DEFB121: variants seen among roughly 807,000 people sequenced by gnomAD.
DEFB121 encodes the protein defensin beta 121, also known as beta-defensin 121.
DEFB121 carries 5 observed loss-of-function variants against 2.5 expected under a neutral mutation model. The ratio of observed to expected loss-of-function variants is 1.96; its 90% CI spans 1.03 to 4.13. DEFB121 has a LOEUF of 4.13. Ranked by LOEUF, DEFB121 falls within the 30% of genes most tolerant of loss-of-function variation. The pLI is 0.00. For missense variants in DEFB121, 87 were observed against 85.0 expected (o/e 1.02, Z -0.09); for synonymous variants, 39 against 32.6 (o/e 1.20, Z -0.67).
chr20:31,411,199 T>C (rs1978653599), upstream of DEFB121, among the ~76,000 whole-genome samples: 1 of 152,204 alleles, frequency 6.6e-6, no homozygotes, highest in Admixed American at 6.5e-5. Context: ...GATTGCTTCG[T>C]GAGCTAAAAA....
At chr20:31,413,067 T>C (rs979474257), upstream of DEFB121, among the ~76,000 whole-genome samples, 21 of 152,212 alleles carry the variant, frequency 1.4e-4, no homozygotes, top group Admixed American at 3.3e-4. Flanking sequence ...TGTCCAGGAA[T>C]GAACCACTGC....
chr20:31,413,855 C>T (rs6088144), upstream of DEFB121, among the ~76,000 whole-genome samples: 65,918 of 152,038 alleles, frequency 0.43, 16,834 homozygotes, highest in East Asian at 0.74. Flanking sequence ...CTTGCACACG[C>T]TGGGTGGGAA....
rs112548107 is a variant in DEFB121, at chr20:31,405,048, T to G, written c.96A>C (p.Thr32=). Residue 32 remains threonine (T), a synonymous_variant, in exon 2 of 2, where the codon ACA becomes ACC. Transcript: ENST00000376314. ...KCWGKSGRCR[T]TCKESEVYYI... ...AGTATACTTCACTTTCTTTACATGT[T>G]GTTCTGCACCTGCCTGACTTGCCCC... is the stretch of plus-strand genomic sequence containing the variant. The G allele has an allele frequency of 6.2e-7, 1 of 1,608,454 alleles. No homozygotes were observed. Among genetic ancestry groups the G allele is most frequent in the South Asian group, 1.1e-5 (1 of 89,426 alleles).
intron 1 of DEFB121, among the ~76,000 whole-genome samples, chr20:31,411,567 CAAA>C (rs11481281): frequency 7.4e-6 from 1 of 135,022 alleles, no homozygotes; most frequent in Admixed American, 7.4e-5. Flanking sequence ...GAACGCAGAG[CAAA>C]AAAAAAAAAG....
chr20:31,415,352 C>T (rs914170732), upstream of DEFB121, among the ~76,000 whole-genome samples: 8 of 151,446 alleles, frequency 5.3e-5, no homozygotes, highest in African/African-American at 1.2e-4. Context: ...CAGATTCAAG[C>T]GATTCTCATG....
At chr20:31,414,657 A>T (rs1195396043), upstream of DEFB121, among the ~76,000 whole-genome samples, 1 of 152,256 alleles carries the variant, frequency 6.6e-6, no homozygotes, top group Non-Finnish European at 1.5e-5. Flanking sequence ...AGTCAAACTT[A>T]TATCAACAAA....
chr20:31,405,847 C>G (rs1431663758), intron 1 of DEFB121, among the ~76,000 whole-genome samples: 1 of 152,222 alleles, frequency 6.6e-6, no homozygotes, highest in Non-Finnish European at 1.5e-5. Flanking sequence ...CCTATCCCAT[C>G]CTCAGGTCAT....
rs1444460290 is a variant in DEFB121 at position 31,411,908 on chromosome 20, T to C, written n.217+714A>G. Among the ~76,000 whole-genome samples the C allele has an allele frequency of 3.3e-5, 5 of 152,252 alleles. No individual in the cohort carries two copies. In the East Asian group the frequency reaches 9.6e-4, roughly 29 times the overall value. ...CTCAAGTGGGTACCACTGCCATCTC[T>C]GGCTTAGTAGAAGATAGGGTGGTAT... On this transcript the variant is annotated intron_variant and non_coding_transcript_variant, in intron 1 of 1. Transcript: ENST00000376312.
chr20:31,406,636 G>A (rs1374551069), upstream of DEFB121, among the ~76,000 whole-genome samples: 11 of 152,064 alleles, frequency 7.2e-5, no homozygotes, highest in East Asian at 1.7e-3. Flanking sequence ...TACCTTAATA[G>A]CTCCATGGCC....
In DEFB121 at chr20:31,406,125, C is replaced by T. The variant is rs1166885138; in HGVS notation, c.28G>A (p.Val10Ile). The T allele has an allele frequency of 4.3e-6, 7 of 1,614,018 alleles. No homozygotes were observed. The highest frequency in any genetic ancestry group is 1.7e-5 in the Admixed American group (1 of 59,994). The change falls in exon 1 of 2, where the codon GTT becomes ATT. Residue 10 changes from valine (V) to isoleucine (I), a missense_variant. Coordinates refer to ENST00000376314, the MANE Select transcript of DEFB121 (RefSeq NM_001011878.3). Reference sequence around the variant, plus strand: ...GTGACCTGGGCCAGGAGCAGAGTAACAGTCAAAAGCAGAAGAAGGAGCTTC... The same window carrying T: ...GTGACCTGGGCCAGGAGCAGAGTAATAGTCAAAAGCAGAAGAAGGAGCTTC... MKLLLLLLTVTLLLAQVTPV... is the reference protein window; with the variant it reads MKLLLLLLTITLLLAQVTPV...
At chr20:31,405,193 G>A (rs1978437540) in intron 1 of DEFB121, 108 bp from the exon 2 acceptor site, 2 of 1,085,092 alleles carry the variant, frequency 1.8e-6, no homozygotes, top group Non-Finnish European at 2.6e-6. Context: ...AAATGAGGAG[G>A]TCTGTGGGGA....
At chr20:31,415,299 G>T (rs1406805349), upstream of DEFB121, among the ~76,000 whole-genome samples, 1 of 151,568 alleles carries the variant, frequency 6.6e-6, no homozygotes, top group Non-Finnish European at 1.5e-5. Context: ...CCCCAGGCTG[G>T]AGTGGAGTGG....
upstream of DEFB121, among the ~76,000 whole-genome samples, chr20:31,415,617 A>G (rs1978784962): frequency 6.6e-6 from 1 of 150,970 alleles, no homozygotes; most frequent in Admixed American, 6.7e-5. Context: ...ATACATAAAA[A>G]TACTGCAAAG....
intron 1 of DEFB121, 78 bp from the exon 2 acceptor site, chr20:31,405,163 C>G (rs981876590): frequency 2.1e-6 from 3 of 1,418,654 alleles, no homozygotes; most frequent in Non-Finnish European, 2.8e-6. Context: ...AGGCTAAAGC[C>G]CAGTAGAGGA....
upstream of DEFB121, among the ~76,000 whole-genome samples, chr20:31,406,516 A>G (rs1250002358): frequency 6.6e-6 from 1 of 152,206 alleles, no homozygotes; most frequent in African/African-American, 2.4e-5. Flanking sequence ...ACAGAAAAGG[A>G]GTGATACTTC....
At chr20:31,413,454 CA>C (rs1568740913), upstream of DEFB121, among the ~76,000 whole-genome samples, 1 of 151,892 alleles carries the variant, frequency 6.6e-6, no homozygotes, top group African/African-American at 2.4e-5. Context: ...CCACAGTAAC[CA>C]AAAAAAGAAG....
chr20:31,414,662 A>C (rs1413779989), upstream of DEFB121, among the ~76,000 whole-genome samples: 1 of 152,242 alleles, frequency 6.6e-6, no homozygotes, highest in Non-Finnish European at 1.5e-5. Context: ...AACTTATATC[A>C]ACAAAGAGTG....
At chr20:31,410,461 G>C (rs111705161), upstream of DEFB121, among the ~76,000 whole-genome samples, 5,751 of 152,244 alleles carry the variant, frequency 0.038, 365 homozygotes, top group African/African-American at 0.13. Context: ...AAACATCATA[G>C]GAGTTGCCTA....
upstream of DEFB121, among the ~76,000 whole-genome samples, chr20:31,409,819 A>C (rs1418765781): frequency 1.3e-5 from 2 of 152,190 alleles, no homozygotes; most frequent in Non-Finnish European, 2.9e-5. Context: ...ATCCAGACCA[A>C]AGAAGAACAT....
Sources: gnomAD v4.1 joint callset for allele counts (sites outside exome capture counted in the v4.1 genomes callset) on GRCh38, gnomAD v4.1.1 for gene constraint, MANE v1.5 for transcripts, NCBI Gene and HGNC (gene_info 2026-07-23, HGNC 2026-07-21) for gene names.